Variants in PCBD2 observed in about 807,000 individuals in gnomAD.
The protein encoded by PCBD2 is pterin-4 alpha-carbinolamine dehydratase 2, also known as pterin-4-alpha-carbinolamine dehydratase 2.
PCBD2 carries 12 observed loss-of-function variants against 16.4 expected under a neutral mutation model. The ratio of observed to expected loss-of-function variants is 0.73; its 90% CI spans 0.47 to 1.19. PCBD2 has a LOEUF of 1.19. PCBD2 is among the 50% of genes most tolerant of loss of function. PCBD2 has a pLI of 0.00. For synonymous variants in PCBD2, 58 were observed against 61.8 expected (o/e 0.94, Z 0.29); for missense variants, 138 against 156.8 (o/e 0.88, Z 0.64).
At chr5:134,931,198 G>A (rs1178273144) in intron 2 of PCBD2, among the ~76,000 whole-genome samples, 1 of 152,104 alleles carries the variant, frequency 6.6e-6, no homozygotes, top group East Asian at 1.9e-4. Flanking sequence ...CCACCGCGCC[G>A]GCCTTCTTTT....
At chr5:134,958,787 G>C (rs1030783317) in intron 2 of PCBD2, among the ~76,000 whole-genome samples, 1 of 152,124 alleles carries the variant, frequency 6.6e-6, no homozygotes, top group Non-Finnish European at 1.5e-5. Context: ...TAGTCCAGAC[G>C]GGTCACTAGG....
At chr5:134,922,897 C>T (rs1267328422) in intron 2 of PCBD2, among the ~76,000 whole-genome samples, 7 of 152,042 alleles carry the variant, frequency 4.6e-5, no homozygotes, top group African/African-American at 9.7e-5. Flanking sequence ...AGGATGGTCT[C>T]GATCTCCTGA....
chr5:134,926,683 C>T (rs1379766932), intron 2 of PCBD2: 2 of 396,460 alleles, frequency 5.0e-6, no homozygotes, highest in Non-Finnish European at 8.9e-6. Flanking sequence ...GTAATGATAT[C>T]GGGGTTGAGG....
chr5:134,960,604 T>G lies in PCBD2; in HGVS notation c.316T>G (p.Ser106Ala). 6.2e-7 allele frequency: 1 copy of G among 1,611,788 alleles called. No homozygotes were observed. The highest frequency in any genetic ancestry group is 1.7e-4 in the Middle Eastern group (1 of 6,054). Residue 106 changes from serine to alanine, a missense_variant, in exon 4 of 4, where the codon TCA becomes GCA. Coordinates refer to ENST00000254908, the MANE Select transcript of PCBD2 (RefSeq NM_032151.5). ...TTCTTAGGTCCAGATAACTCTCACC[T>G]CACATGACTGTGGTGAACTGACCAA... is the stretch of plus-strand genomic sequence containing the variant. ...VYNKVQITLTSHDCGELTKKD... is the reference protein window; with the variant it reads ...VYNKVQITLTAHDCGELTKKD...
chr5:134,920,669 T>C (rs1408443999), intron 2 of PCBD2, among the ~76,000 whole-genome samples: 2 of 152,076 alleles, frequency 1.3e-5, no homozygotes, highest in Non-Finnish European at 2.9e-5. Flanking sequence ...CTTTTTTTTT[T>C]TTTTGAGACG....
chr5:134,958,845 C>A (rs1338941539), intron 2 of PCBD2, among the ~76,000 whole-genome samples, 195 bp from the exon 3 acceptor site: 1 of 152,142 alleles, frequency 6.6e-6, no homozygotes, highest in Non-Finnish European at 1.5e-5. Flanking sequence ...AGTTTTTCAC[C>A]ATCCAGCAGT....
At chr5:134,939,334 TTTG>T (rs963402148) in intron 2 of PCBD2, among the ~76,000 whole-genome samples, 33 of 150,544 alleles carry the variant, frequency 2.2e-4, no homozygotes, top group Admixed American at 5.3e-4. Context: ...GTTTTGATGT[TTTG>T]TTGTTTTTTT....
At chr5:134,928,109 A>G (rs1321103930) in intron 2 of PCBD2, 2 of 393,184 alleles carry the variant, frequency 5.1e-6, no homozygotes, top group African/African-American at 4.1e-5. Context: ...GGCTAGGCCT[A>G]CTGCTGCCTT....
intron 2 of PCBD2, among the ~76,000 whole-genome samples, chr5:134,931,753 A>G (rs1751101801): frequency 2.0e-5 from 3 of 152,252 alleles, no homozygotes; most frequent in Admixed American, 2.0e-4. Context: ...AGAGCTTTGA[A>G]TGGGCAACTC....
intron 2 of PCBD2, among the ~76,000 whole-genome samples, chr5:134,957,295 T>A (rs1179086672): frequency 1.3e-5 from 2 of 151,902 alleles, no homozygotes; most frequent in African/African-American, 4.8e-5. Flanking sequence ...ATAGTTAAAT[T>A]GCATGATAAT....
At chr5:134,942,130 C>CAAAAAA (rs397882223) in intron 2 of PCBD2, among the ~76,000 whole-genome samples, 1 of 82,294 alleles carries the variant, frequency 1.2e-5, no homozygotes, top group African/African-American at 5.4e-5. Context: ...GGCTCTGTCT[C>CAAAAAA]AAAAAAAAAA....
In PCBD2 at chr5:134,960,722, C is replaced by G; in HGVS notation, c.*41C>G. On this transcript the variant is annotated 3_prime_UTR_variant, in exon 4 of 4. Coordinates refer to ENST00000254908, the MANE Select transcript of PCBD2 (RefSeq NM_032151.5). ...ATGTAAAATCTTGTACACATCTTAGCTGCAATGTATGTTGAAGGAAATTTA... is the reference window on the plus strand; with the variant it reads ...ATGTAAAATCTTGTACACATCTTAGGTGCAATGTATGTTGAAGGAAATTTA... 2.8e-6 allele frequency: 4 copies of G among 1,450,034 alleles called. No individual in the cohort carries two copies. Among genetic ancestry groups the G allele is most frequent in the Non-Finnish European group, 2.9e-6 (3 of 1,037,198 alleles). The allele number at this position is 1,450,034 out of a possible 1,614,324, so 89.8% of individuals were successfully genotyped here. A position where few individuals can be genotyped will look rare whatever the true frequency, so the allele number is the denominator to read the frequency against.
intron 2 of PCBD2, chr5:134,927,696 T>C: frequency 2.5e-6 from 1 of 398,248 alleles, no homozygotes. Context: ...TATGATTAGT[T>C]CTATGGCTGT....
Position 134,959,024 on chromosome 5 carries a change from A to T in PCBD2, c.217-16A>T, listed in dbSNP as rs6859177. Reference sequence around the variant, plus strand: ...AGGACAATGTCAGTAATTACTCTTGACTTCATCTTATGCAGGCATTTGGCT... The same window carrying T: ...AGGACAATGTCAGTAATTACTCTTGTCTTCATCTTATGCAGGCATTTGGCT... On this transcript the variant is annotated splice_polypyrimidine_tract_variant and intron_variant, in intron 2 of 3. Transcript: ENST00000254908. The T allele has an allele frequency of 3.2e-5, 51 of 1,607,390 alleles. No homozygotes were observed. The African/African-American group carries it at 6.5e-4, about 21-fold the overall frequency.
chr5:134,935,828 T>C (rs1365962771), intron 2 of PCBD2, among the ~76,000 whole-genome samples: 1 of 152,218 alleles, frequency 6.6e-6, no homozygotes, highest in African/African-American at 2.4e-5. Flanking sequence ...ACAGTTGTCA[T>C]GTTAAGTGTT....
chr5:134,959,112 TACA>T lies in PCBD2; in HGVS notation c.294_296del (p.Asn98del), dbSNP rs776711434. The T allele has an allele frequency of 1.5e-4, 246 of 1,610,804 alleles. No homozygotes were observed. Among genetic ancestry groups the T allele is most frequent in the Non-Finnish European group, 2.0e-4 (241 of 1,178,122 alleles). ...TCATCACCCAGAATGGTTCAATGTA[TACA>T]ACAAGGTAACTAAACTGCCTTATTT... is the stretch of plus-strand genomic sequence containing the variant. On this transcript the variant is annotated inframe_deletion, in exon 3 of 4. Transcript: ENST00000254908.
chr5:134,948,433 G>A (rs540011694), intron 2 of PCBD2, among the ~76,000 whole-genome samples: 3 of 152,234 alleles, frequency 2.0e-5, no homozygotes, highest in East Asian at 1.9e-4. Context: ...TGGTAAAATC[G>A]TGTGTAGAGT....
At chr5:134,938,498 G>A (rs142814574) in intron 2 of PCBD2, among the ~76,000 whole-genome samples, 1,928 of 152,296 alleles carry the variant, frequency 0.013, 16 homozygotes, top group Non-Finnish European at 0.018. Flanking sequence ...ACCCTTTTGT[G>A]ACCTTCCTAT....
At chr5:134,951,449 G>T (rs899765283) in intron 2 of PCBD2, among the ~76,000 whole-genome samples, 6 of 152,048 alleles carry the variant, frequency 3.9e-5, no homozygotes, top group Admixed American at 3.9e-4. Context: ...GCTGTTTCAA[G>T]TCTATAGCTA....
Sources: allele counts gnomAD v4.1 joint callset (sites outside exome capture counted in the v4.1 genomes callset), GRCh38; gene constraint gnomAD v4.1.1; transcripts MANE v1.5; gene names NCBI Gene and HGNC (gene_info 2026-07-23, HGNC 2026-07-21).